Variants in CWC27 observed in about 807,000 individuals in gnomAD.
The protein encoded by CWC27 is CWC27 spliceosome associated cyclophilin.
In CWC27, 47 loss-of-function variants were observed where a neutral mutation model predicts 63.6. That is an observed-to-expected ratio of 0.74 (90% CI 0.58 to 0.94). The LOEUF is 0.94. CWC27 is among the 40% of genes least tolerant of loss of function. The probability of loss-of-function intolerance (pLI) is 0.00; values close to 1 mark genes in which losing one functional copy is unlikely to be tolerated. For synonymous variants in CWC27, 175 were observed against 179.8 expected, an observed-to-expected ratio of 0.97 and a Z score of 0.22; for missense variants, 495 against 554.3, an observed-to-expected ratio of 0.89 and a Z score of 1.07.
chr5:64,912,407 T>G (rs1747809475), intron 11 of CWC27, among the ~76,000 whole-genome samples: 1 of 152,168 alleles, frequency 6.6e-6, no homozygotes, highest in Non-Finnish European at 1.5e-5. Context: ...AGAAACAGAC[T>G]TTAAAATAAA....
At chr5:64,853,739 A>G (rs1746191775) in intron 10 of CWC27, among the ~76,000 whole-genome samples, 1 of 152,148 alleles carries the variant, frequency 6.6e-6, no homozygotes. Flanking sequence ...GGACAGCAAC[A>G]AACCATTCAG....
intron 10 of CWC27, among the ~76,000 whole-genome samples, chr5:64,812,707 G>C (rs1744912129): frequency 6.6e-6 from 1 of 152,006 alleles, no homozygotes. Context: ...TGTTATTCGT[G>C]TTCCCAGCCA....
intron 11 of CWC27, among the ~76,000 whole-genome samples, chr5:64,950,469 A>G (rs1042056460): frequency 6.6e-6 from 1 of 152,014 alleles, no homozygotes; most frequent in African/African-American, 2.4e-5. Flanking sequence ...AAGGCAAGGA[A>G]AATAAAAACC....
intron 10 of CWC27, among the ~76,000 whole-genome samples, chr5:64,853,563 A>C (rs1182828124): frequency 6.6e-6 from 1 of 152,228 alleles, no homozygotes; most frequent in Non-Finnish European, 1.5e-5. Flanking sequence ...ATGTCTAAGG[A>C]AAAGAGGTTT....
At chr5:64,778,796 T>C (rs1743549839) in intron 2 of CWC27, among the ~76,000 whole-genome samples, 1 of 152,166 alleles carries the variant, frequency 6.6e-6, no homozygotes, top group African/African-American at 2.4e-5. Flanking sequence ...TAGTATCTAT[T>C]TGTAACCAGA....
At chr5:64,772,468 T>C (rs1162588332) in intron 1 of CWC27, among the ~76,000 whole-genome samples, 2 of 145,126 alleles carry the variant, frequency 1.4e-5, no homozygotes, top group Admixed American at 1.4e-4. Flanking sequence ...CTAAAAAAAA[T>C]GCAAAAAAAG....
At chr5:64,846,695 C>T (rs952827167) in intron 10 of CWC27, among the ~76,000 whole-genome samples, 2 of 151,858 alleles carry the variant, frequency 1.3e-5, no homozygotes, top group African/African-American at 2.4e-5. Context: ...CAGAAAAAAA[C>T]TAAGAAAATG....
intron 10 of CWC27, among the ~76,000 whole-genome samples, chr5:64,873,443 A>C (rs1746724818): frequency 6.6e-6 from 1 of 152,080 alleles, no homozygotes. Flanking sequence ...GTATTATAGC[A>C]ATAGACCCTT....
chr5:64,801,947 C>T (rs571719410), intron 9 of CWC27, among the ~76,000 whole-genome samples: 1 of 152,262 alleles, frequency 6.6e-6, no homozygotes, highest in African/African-American at 2.4e-5. Flanking sequence ...CATGCATGAA[C>T]ACAGATTTAT....
chr5:64,789,009 C>T lies in CWC27; in HGVS notation c.658C>T (p.Arg220Ter), dbSNP rs747744168. The change falls in exon 7 of 14, where the codon CGA (arginine) becomes TGA (stop). Residue 220 changes from arginine to a stop codon, truncating the protein, a stop_gained. Transcript: ENST00000381070. LOFTEE classifies it high-confidence loss of function. Reference sequence around the variant, plus strand: ...TGAGGAAGAAGAGGAGGAAGTAAATCGAGTTAGTCAGGTAATCTCTAATTT... The same window carrying T: ...TGAGGAAGAAGAGGAGGAAGTAAATTGAGTTAGTCAGGTAATCTCTAATTT... Reference protein sequence around the residue: ...EAEEEEEEVNRVSQSMKGKSK... With the variant: ...EAEEEEEEVN 4 of 1,602,482 alleles carry T rather than the reference C, an allele frequency of 2.5e-6. No individual in the cohort carries two copies. The highest frequency in any genetic ancestry group is 1.4e-5 in the African/African-American group (1 of 73,962).
intron 11 of CWC27, among the ~76,000 whole-genome samples, chr5:64,963,387 A>G (rs749188425): frequency 6.6e-5 from 10 of 152,246 alleles, no homozygotes; most frequent in East Asian, 1.9e-4. Context: ...ATTAAATTCA[A>G]TGACCCAGTT....
chr5:64,980,999 C>T (rs1406307519), intron 13 of CWC27, among the ~76,000 whole-genome samples: 5 of 151,860 alleles, frequency 3.3e-5, no homozygotes, highest in Non-Finnish European at 7.4e-5. Context: ...GGCTGAGGCA[C>T]GAGAATCGCT....
intron 13 of CWC27, among the ~76,000 whole-genome samples, chr5:64,988,744 T>C (rs1190975296): frequency 1.3e-5 from 2 of 151,902 alleles, no homozygotes; most frequent in African/African-American, 2.4e-5. Flanking sequence ...GCTGGAATTA[T>C]AGGCATGCGC....
At chr5:64,935,745 T>C (rs1304906960) in intron 11 of CWC27, among the ~76,000 whole-genome samples, 1 of 152,182 alleles carries the variant, frequency 6.6e-6, no homozygotes, top group East Asian at 1.9e-4. Flanking sequence ...GCATGGAATG[T>C]TTTTGCGTTT....
At chr5:64,773,549 C>CCTATG (rs1386268008) in intron 1 of CWC27, among the ~76,000 whole-genome samples, 2 of 151,922 alleles carry the variant, frequency 1.3e-5, no homozygotes, top group Non-Finnish European at 2.9e-5. Context: ...CTATGAGAAA[C>CCTATG]AGCCTCATGT....
chr5:64,808,493 A>G (rs1744767826), intron 10 of CWC27: 1 of 304,574 alleles, frequency 3.3e-6, no homozygotes. Context: ...CTCCATGTTC[A>G]AACAGCGTAG....
At chr5:64,908,125 C>G (rs1376587042) in intron 11 of CWC27, among the ~76,000 whole-genome samples, 3 of 152,154 alleles carry the variant, frequency 2.0e-5, no homozygotes, top group African/African-American at 7.2e-5. Flanking sequence ...TTTATTTCTG[C>G]CTTCATTTCG....
chr5:65,008,706 T>C (rs138854325), intron 13 of CWC27, among the ~76,000 whole-genome samples: 1,849 of 152,322 alleles, frequency 0.012, 19 homozygotes, highest in Middle Eastern at 0.051. Flanking sequence ...TGTCCTACTT[T>C]GCAAAAAGAA....
intron 11 of CWC27, among the ~76,000 whole-genome samples, chr5:64,914,882 A>G (rs929862214): frequency 2.6e-5 from 4 of 152,184 alleles, no homozygotes; most frequent in African/African-American, 9.6e-5. Context: ...AAATTGTGGT[A>G]TATTCATCCA....
Sources: allele counts gnomAD v4.1 joint callset (sites outside exome capture counted in the v4.1 genomes callset), GRCh38; gene constraint gnomAD v4.1.1; transcripts MANE v1.5; gene names NCBI Gene and HGNC (gene_info 2026-07-23, HGNC 2026-07-21).